CADM1: variants seen among roughly 807,000 people sequenced by gnomAD.
CADM1 encodes the protein TSLC-1.
CADM1 carries 15 observed loss-of-function variants against 53.1 expected under a neutral mutation model. The ratio of observed to expected loss-of-function variants is 0.28; its 90% CI spans 0.19 to 0.44. The LOEUF (loss-of-function observed/expected upper bound fraction) is 0.44, where lower values mean the gene tolerates loss of function less well. Among genes scored for constraint, CADM1 ranks in the 20% least tolerant of loss-of-function variants. The pLI, the probability that CADM1 is intolerant of heterozygous loss-of-function variation, is 1.00. For missense variants in CADM1, 434 were observed against 611.3 expected, an observed-to-expected ratio of 0.71 and a Z score of 3.06; for synonymous variants, 281 against 243.0, an observed-to-expected ratio of 1.16 and a Z score of -1.45.
At chr11:115,449,619 C>T (rs545264117) in intron 1 of CADM1, among the ~76,000 whole-genome samples, 45 of 152,292 alleles carry the variant, frequency 3.0e-4, no homozygotes, top group Non-Finnish European at 5.7e-4. Flanking sequence ...GTAATTTTCC[C>T]CTGTCAGTTT....
At position 115,375,734 on chromosome 11, in the gene CADM1, C is replaced by T. The variant is rs150511880; in HGVS notation, c.124+128537G>A. Among the ~76,000 whole-genome samples the T allele has an allele frequency of 3.2e-3, 492 of 151,906 alleles. 4 individuals carry two copies. Among genetic ancestry groups the T allele is most frequent in the African/African-American group, 0.011 (466 of 41,434 alleles). Reference sequence around the variant, plus strand: ...CATGACAGAATCAAGATATATTGCACGTAGGGAGTATGCTAATAATAATAA... The same window carrying T: ...CATGACAGAATCAAGATATATTGCATGTAGGGAGTATGCTAATAATAATAA... On this transcript the variant is annotated intron_variant, in intron 1 of 11. Transcript: ENST00000331581.
At chr11:115,426,240 C>T (rs1947888840) in intron 1 of CADM1, among the ~76,000 whole-genome samples, 1 of 152,168 alleles carries the variant, frequency 6.6e-6, no homozygotes, top group African/African-American at 2.4e-5. Flanking sequence ...CGCCTCTTGC[C>T]AGTGGGTTAA....
intron 8 of CADM1, 50 bp from the exon 9 acceptor site, chr11:115,198,488 G>A (rs1390091899): frequency 1.3e-6 from 2 of 1,518,788 alleles, no homozygotes; most frequent in Admixed American, 1.7e-5. Flanking sequence ...AGGAGGAACG[G>A]CATGCAAAAA....
At chr11:115,207,903 C>T (rs1353603172) in intron 8 of CADM1, among the ~76,000 whole-genome samples, 1 of 152,132 alleles carries the variant, frequency 6.6e-6, no homozygotes, top group African/African-American at 2.4e-5. Flanking sequence ...GAGTACGAGT[C>T]TAATTTGGCT....
At chr11:115,345,175 C>A (rs1056877286) in intron 1 of CADM1, among the ~76,000 whole-genome samples, 1 of 152,140 alleles carries the variant, frequency 6.6e-6, no homozygotes, top group Admixed American at 6.6e-5. Flanking sequence ...ACTGCCACCA[C>A]GCTGACCAAA....
intron 1 of CADM1, chr11:115,397,678 A>G (rs1202814995): frequency 3.7e-5 from 2 of 53,978 alleles, no homozygotes; most frequent in Non-Finnish European, 7.0e-5. Context: ...TGTATAGCTC[A>G]TTTTTTTATT....
intron 1 of CADM1, among the ~76,000 whole-genome samples, chr11:115,400,637 ATATG>A (rs1396272859): frequency 3.5e-5 from 3 of 86,016 alleles, no homozygotes; most frequent in East Asian, 2.6e-4. Flanking sequence ...TGTATCATAT[ATATG>A]TGTGTGTGTG....
chr11:115,307,517 A>AAAATAT (rs10673324), intron 1 of CADM1, among the ~76,000 whole-genome samples: 5 of 144,260 alleles, frequency 3.5e-5, no homozygotes, highest in African/African-American at 1.3e-4. Context: ...GGAAAAAAAA[A>AAAATAT]ATATATATAT....
At chr11:115,283,259 G>A (rs1009047038) in intron 1 of CADM1, among the ~76,000 whole-genome samples, 12 of 152,172 alleles carry the variant, frequency 7.9e-5, no homozygotes, top group Non-Finnish European at 1.6e-4. Context: ...TCTGTGCCTG[G>A]AGAGCCTGAA....
intron 1 of CADM1, among the ~76,000 whole-genome samples, chr11:115,357,088 T>C (rs10891838): frequency 0.32 from 48,855 of 151,982 alleles, 8,965 homozygotes; most frequent in Non-Finnish European, 0.43. Flanking sequence ...ATATATGCTC[T>C]CTTCATCCCC....
chr11:115,203,105 T>G (rs550493679), intron 8 of CADM1, among the ~76,000 whole-genome samples: 1 of 151,786 alleles, frequency 6.6e-6, no homozygotes, highest in African/African-American at 2.4e-5. Flanking sequence ...CCCCTGTGAG[T>G]GAAGAGATTG....
At chr11:115,459,744 C>A (rs1297024486) in intron 1 of CADM1, among the ~76,000 whole-genome samples, 2 of 152,164 alleles carry the variant, frequency 1.3e-5, no homozygotes, top group East Asian at 3.9e-4. Context: ...CTACTTGCAA[C>A]CATCTCAGAA....
intron 10 of CADM1, among the ~76,000 whole-genome samples, chr11:115,189,857 T>G (rs192169621): frequency 6.6e-6 from 1 of 152,234 alleles, no homozygotes; most frequent in Non-Finnish European, 1.5e-5. Context: ...AACTACAGGC[T>G]ACATAACAGC....
chr11:115,225,169 C>A (rs1455000429), intron 5 of CADM1, among the ~76,000 whole-genome samples: 1 of 152,096 alleles, frequency 6.6e-6, no homozygotes, highest in Admixed American at 6.6e-5. Context: ...TTCCCGGCAA[C>A]GTTCCTATGA....
At chr11:115,227,851 A>G (rs1941669323) in intron 5 of CADM1, among the ~76,000 whole-genome samples, 1 of 152,224 alleles carries the variant, frequency 6.6e-6, no homozygotes, top group Non-Finnish European at 1.5e-5. Flanking sequence ...TCATTTAGAC[A>G]AATAATAGGG....
At chr11:115,214,054 A>T (rs1340501893) in intron 7 of CADM1, among the ~76,000 whole-genome samples, 8 of 128,474 alleles carry the variant, frequency 6.2e-5, no homozygotes, top group South Asian at 2.5e-4. Context: ...AAATGATATT[A>T]AAAAAACAGA....
At chr11:115,347,396 C>A (rs1945609243) in intron 1 of CADM1, among the ~76,000 whole-genome samples, 1 of 152,166 alleles carries the variant, frequency 6.6e-6, no homozygotes, top group Admixed American at 6.6e-5. Flanking sequence ...GTTATTAGCA[C>A]CTCCCATCAC....
At position 115,174,556 on chromosome 11, in the gene CADM1, C is replaced by T; in HGVS notation, c.*1918G>A. ...CATACCAGTCCGTTCCCAAAAGGCC[C>T]CCATATTGCAATGGTTCTATCAAAG... On this transcript the variant is annotated 3_prime_UTR_variant, in exon 12 of 12. Coordinates refer to ENST00000331581, the MANE Select transcript of CADM1 (RefSeq NM_001301043.2). 5.1e-6 allele frequency: 5 copies of T among 985,132 alleles called. No individual in the cohort carries two copies. Among genetic ancestry groups the T allele is most frequent in the Non-Finnish European group, 4.8e-6 (4 of 829,600 alleles). 61.0% of individuals were successfully genotyped at this position (985,132 alleles called of 1,614,324 possible).
At chr11:115,439,874 CAG>C (rs1285069868) in intron 1 of CADM1, among the ~76,000 whole-genome samples, 15 of 152,182 alleles carry the variant, frequency 9.9e-5, no homozygotes. Flanking sequence ...TAAAGTAAAT[CAG>C]ACTTTTAATA....
Sources: allele counts gnomAD v4.1 joint callset (sites outside exome capture counted in the v4.1 genomes callset), GRCh38; gene constraint gnomAD v4.1.1; transcripts MANE v1.5; gene names NCBI Gene and HGNC (gene_info 2026-07-23, HGNC 2026-07-21).